The following LDLRAD4 variants were observed in gnomAD, a reference collection of about 807,000 sequenced individuals.
LDLRAD4 encodes low-density lipoprotein receptor class A domain-containing protein 4.
In LDLRAD4, 5 loss-of-function variants were observed where a neutral mutation model predicts 17.0. That is an observed-to-expected ratio of 0.29 (90% CI 0.15 to 0.62). LDLRAD4 has a LOEUF of 0.62. Among genes scored for constraint, LDLRAD4 ranks in the 20% least tolerant of loss-of-function variants. The probability of loss-of-function intolerance (pLI) is 0.84; values close to 1 mark genes in which losing one functional copy is unlikely to be tolerated. For missense variants in LDLRAD4, 340 were observed against 424.7 expected, an observed-to-expected ratio of 0.80 and a Z score of 1.75; for synonymous variants, 168 against 171.8, an observed-to-expected ratio of 0.98 and a Z score of 0.17.
chr18:13,234,289 T>G (rs112306193), intron 1 of LDLRAD4, among the ~76,000 whole-genome samples: 30 of 152,294 alleles, frequency 2.0e-4, no homozygotes, highest in African/African-American at 7.0e-4. Context: ...CCTCTGTGGT[T>G]GCCCTACCCA....
intron 2 of LDLRAD4, among the ~76,000 whole-genome samples, chr18:13,426,957 G>C (rs1306891106): frequency 6.6e-6 from 1 of 152,090 alleles, no homozygotes; most frequent in East Asian, 1.9e-4. Flanking sequence ...AGGCTGAGGC[G>C]GGCGGATCAC....
chr18:13,373,468 T>A (rs545670723), intron 1 of LDLRAD4, among the ~76,000 whole-genome samples: 17 of 152,360 alleles, frequency 1.1e-4, no homozygotes, highest in Non-Finnish European at 2.2e-4. Flanking sequence ...TTGTTGCTTG[T>A]GTGCTGACTA....
chr18:13,468,652 A>G (rs1196977198), intron 3 of LDLRAD4, among the ~76,000 whole-genome samples: 3 of 152,156 alleles, frequency 2.0e-5, no homozygotes, highest in Admixed American at 1.3e-4. Flanking sequence ...CATATACACC[A>G]TGGAATACTA....
intron 4 of LDLRAD4, chr18:13,642,714 G>T: frequency 8.1e-7 from 1 of 1,231,646 alleles, no homozygotes; most frequent in South Asian, 4.1e-5. Flanking sequence ...GGCGGCCACT[G>T]AATGCGGTTG....
intron 2 of LDLRAD4, among the ~76,000 whole-genome samples, chr18:13,395,454 G>A (rs1599900473): frequency 6.6e-5 from 4 of 60,550 alleles, no homozygotes; most frequent in South Asian, 6.1e-4. Flanking sequence ...TGGAGGTGGG[G>A]GCTGGCGTGG....
At chr18:13,577,035 G>A (rs1219184863) in intron 3 of LDLRAD4, among the ~76,000 whole-genome samples, 1 of 152,082 alleles carries the variant, frequency 6.6e-6, no homozygotes, top group Non-Finnish European at 1.5e-5. Context: ...AGTCCACAGG[G>A]TTTAATTTCC....
intron 3 of LDLRAD4, among the ~76,000 whole-genome samples, chr18:13,479,846 G>A (rs2093039580): frequency 6.6e-6 from 1 of 152,188 alleles, no homozygotes; most frequent in African/African-American, 2.4e-5. Flanking sequence ...CACACCATAT[G>A]TTATCAGGGA....
At chr18:13,459,141 G>A (rs2092298032) in intron 3 of LDLRAD4, among the ~76,000 whole-genome samples, 1 of 116,296 alleles carries the variant, frequency 8.6e-6, no homozygotes, top group South Asian at 3.1e-4. Flanking sequence ...GCAACATAGT[G>A]AGACTCCATC....
intron 2 of LDLRAD4, among the ~76,000 whole-genome samples, chr18:13,427,155 C>T (rs1195409388): frequency 3.3e-5 from 5 of 152,092 alleles, no homozygotes; most frequent in African/African-American, 1.2e-4. Flanking sequence ...CACTGCACTC[C>T]AGCCTGGCAA....
intron 3 of LDLRAD4, among the ~76,000 whole-genome samples, chr18:13,511,377 T>A (rs1301974164): frequency 6.6e-6 from 1 of 151,978 alleles, no homozygotes; most frequent in African/African-American, 2.4e-5. Context: ...CCGGGCATGG[T>A]CTCGCACACC....
chr18:13,347,828 TC>T lies in LDLRAD4; in HGVS notation c.-382-39511del, dbSNP rs1179511183. Among the ~76,000 whole-genome samples, 5 of 152,232 alleles carry T rather than the reference TC, an allele frequency of 3.3e-5. No homozygotes were observed. The East Asian group carries it at 9.6e-4, about 29-fold the overall frequency. On this transcript the variant is annotated intron_variant, in intron 1 of 5. Transcript: ENST00000359446. ...TTGCTTCATTTCATTCATTTGATCT[TC>T]CGTCACTGATACCCTTTCTTCCAGT... is the stretch of plus-strand genomic sequence containing the variant.
chr18:13,408,939 G>C (rs888894706), intron 2 of LDLRAD4, among the ~76,000 whole-genome samples: 1 of 152,036 alleles, frequency 6.6e-6, no homozygotes, highest in Admixed American at 6.6e-5. Flanking sequence ...TTAAGCAATG[G>C]AAATAAGTTT....
chr18:13,584,385 TC>T (rs1424052080), intron 3 of LDLRAD4, among the ~76,000 whole-genome samples: 1 of 152,198 alleles, frequency 6.6e-6, no homozygotes, highest in East Asian at 1.9e-4. Context: ...GCGCTTCCTC[TC>T]CTCTCCTGAG....
intron 2 of LDLRAD4, among the ~76,000 whole-genome samples, chr18:13,388,691 G>A (rs1222665334): frequency 6.6e-6 from 1 of 152,222 alleles, no homozygotes; most frequent in African/African-American, 2.4e-5. Context: ...CCTTCTCCTT[G>A]GATTAGATGT....
At chr18:13,284,788 G>C (rs532759913) in intron 1 of LDLRAD4, among the ~76,000 whole-genome samples, 3 of 152,316 alleles carry the variant, frequency 2.0e-5, no homozygotes, top group Non-Finnish European at 2.9e-5. Flanking sequence ...AGGCCACCCG[G>C]ATGAGCTGTG....
At chr18:13,469,295 A>G (rs2092706826) in intron 3 of LDLRAD4, among the ~76,000 whole-genome samples, 1 of 152,250 alleles carries the variant, frequency 6.6e-6, no homozygotes, top group Non-Finnish European at 1.5e-5. Context: ...GGAGTTTACA[A>G]CGATGCAGCT....
Position 13,253,138 on chromosome 18 carries a change from C to CTGG in LDLRAD4, c.-466-24951_-466-24949dup, listed in dbSNP as rs963363607. The stretch of plus-strand genomic sequence containing the variant: ...GCCTGGGCCCCAGTCTCCGAGGAGC[C>CTGG]TGGTGGTGGTGGTGGTGGGCATTTT... On this transcript the variant is annotated intron_variant, in intron 1 of 5. Coordinates refer to the LDLRAD4 transcript ENST00000399848. Among the ~76,000 whole-genome samples the CTGG allele has an allele frequency of 1.3e-4, 20 of 152,064 alleles. 1 individual carries two copies. In the South Asian group the frequency reaches 1.9e-3, roughly 14 times the overall value.
chr18:13,374,686 T>C (rs1439446957), intron 1 of LDLRAD4, among the ~76,000 whole-genome samples: 2 of 152,150 alleles, frequency 1.3e-5, no homozygotes, highest in Non-Finnish European at 2.9e-5. Flanking sequence ...TGGTCTGGGG[T>C]GATTCTGCCA....
chr18:13,576,800 TAG>T (rs1255004809), intron 3 of LDLRAD4, among the ~76,000 whole-genome samples: 1 of 152,012 alleles, frequency 6.6e-6, no homozygotes, highest in Non-Finnish European at 1.5e-5. Context: ...CTGTGGAAGG[TAG>T]AGTGTTAGGA....
Sources: gnomAD v4.1 joint callset for allele counts (sites outside exome capture counted in the v4.1 genomes callset) on GRCh38, gnomAD v4.1.1 for gene constraint, MANE v1.5 for transcripts, NCBI Gene and HGNC (gene_info 2026-07-23, HGNC 2026-07-21) for gene names.